KIF11: variants seen among roughly 807,000 people sequenced by gnomAD.
KIF11 encodes kinesin family member 11.
A neutral mutation model predicts 121.0 loss-of-function variants in KIF11; 9 were observed. That is an observed-to-expected ratio of 0.07 (90% CI 0.04 to 0.13). The LOEUF (loss-of-function observed/expected upper bound fraction) is 0.13. Ranked by LOEUF, KIF11 falls within the 10% of genes least tolerant of loss-of-function variation. The probability of loss-of-function intolerance (pLI) is 1.00; values close to 1 mark genes in which losing one functional copy is unlikely to be tolerated. For missense variants in KIF11, 846 were observed against 1,217.5 expected, an observed-to-expected ratio of 0.69 and a Z score of 4.54; for synonymous variants, 408 against 421.0, an observed-to-expected ratio of 0.97 and a Z score of 0.38.
intron 1 of KIF11, among the ~76,000 whole-genome samples, chr10:92,600,091 C>T (rs1298604157): frequency 2.0e-5 from 3 of 149,434 alleles, no homozygotes; most frequent in Non-Finnish European, 3.0e-5. Context: ...CTGCAACCTC[C>T]GCCTCCCGGG....
intron 18 of KIF11, among the ~76,000 whole-genome samples, chr10:92,646,483 T>G (rs1038111665): frequency 3.3e-5 from 5 of 152,196 alleles, no homozygotes; most frequent in Non-Finnish European, 7.3e-5. Flanking sequence ...CTATATAAGC[T>G]GTTTTCACTA....
chr10:92,608,784 C>G (rs559290116), intron 4 of KIF11, among the ~76,000 whole-genome samples: 1 of 152,242 alleles, frequency 6.6e-6, no homozygotes, highest in East Asian at 1.9e-4. Context: ...CTATGTAATG[C>G]TCAGGGATGA....
intron 18 of KIF11, among the ~76,000 whole-genome samples, chr10:92,647,887 T>C (rs1041605619): frequency 2.0e-5 from 3 of 152,098 alleles, no homozygotes; most frequent in Non-Finnish European, 2.9e-5. Flanking sequence ...GGTGGGCAGA[T>C]TGCTTGAGCC....
intron 1 of KIF11, among the ~76,000 whole-genome samples, chr10:92,597,777 G>C (rs1028567381): frequency 6.6e-6 from 1 of 151,334 alleles, no homozygotes; most frequent in Non-Finnish European, 1.5e-5. Context: ...TCAGCCTCTA[G>C]AGTAGCTGGG....
chr10:92,608,661 TCTC>T (rs1844457869), intron 4 of KIF11, among the ~76,000 whole-genome samples: 1 of 152,106 alleles, frequency 6.6e-6, no homozygotes, highest in African/African-American at 2.4e-5. Flanking sequence ...ATGGTCTTGA[TCTC>T]CTGACCTTGT....
Position 92,650,496 on chromosome 10 carries a change from T to C in KIF11, c.3018T>C (p.Ile1006=). The change falls in exon 21 of 22, where the codon ATT becomes ATC. Residue 1006 remains isoleucine (I), a synonymous_variant. Coordinates refer to ENST00000260731, the MANE Select transcript of KIF11 (RefSeq NM_004523.4). The stretch of plus-strand genomic sequence containing the variant: ...ATGCTGGTGTGGATTGTTCATCAAT[T>C]GGCGGGGTTCCATTTTTCCAGGTAT... The part of the protein sequence containing the change: ...SVDAGVDCSS[I]GGVPFFQHKK... 1 of 1,610,590 alleles carries C rather than the reference T, an allele frequency of 6.2e-7. No homozygotes were observed. Among genetic ancestry groups the C allele is most frequent in the Non-Finnish European group, 8.5e-7 (1 of 1,176,782 alleles).
chr10:92,613,311 G>A lies in KIF11; in HGVS notation c.790-66G>A, dbSNP rs913320871. The A allele has an allele frequency of 2.5e-6, 3 of 1,213,318 alleles. No homozygotes were observed. In the African/African-American group the frequency reaches 4.6e-5, roughly 19 times the overall value. The allele number at this position is 1,213,318 out of a possible 1,614,324, so 75.2% of individuals were successfully genotyped here. The stretch of plus-strand genomic sequence containing the variant: ...CGATTTAATACATTATGTATCCTGT[G>A]AGAATGAAAGTCTTTGAATCCAAAT... On this transcript the variant is annotated intron_variant, in intron 7 of 21. Transcript: ENST00000260731. This position sits in a 1 kb window ranked among gnomAD's most constrained non-coding sequence, Gnocchi z 4.2.
chr10:92,649,120 C>CTT (rs11285704), intron 19 of KIF11, among the ~76,000 whole-genome samples: 5 of 144,702 alleles, frequency 3.5e-5, no homozygotes, highest in African/African-American at 1.2e-4. Flanking sequence ...TCACAAAACT[C>CTT]TTTTTTTTTT....
At chr10:92,638,087 T>A (rs1844825934) in intron 16 of KIF11, among the ~76,000 whole-genome samples, 2 of 152,330 alleles carry the variant, frequency 1.3e-5, no homozygotes, top group South Asian at 4.1e-4. Flanking sequence ...AAACCAAGCC[T>A]TCAAACCATA....
At chr10:92,596,291 C>T (rs867410899) in intron 1 of KIF11, among the ~76,000 whole-genome samples, 5 of 152,242 alleles carry the variant, frequency 3.3e-5, no homozygotes, top group Non-Finnish European at 7.3e-5. Flanking sequence ...GCGTGAGCTA[C>T]GGAGCCCGGC....
At chr10:92,635,412 C>T (rs1382740353) in intron 14 of KIF11, among the ~76,000 whole-genome samples, 1 of 152,134 alleles carries the variant, frequency 6.6e-6, no homozygotes, top group Non-Finnish European at 1.5e-5. Flanking sequence ...TAAAGCAAGT[C>T]ATGAATTTTT....
rs569006242 is a variant in KIF11 at position 92,619,958 on chromosome 10, G to A, written c.1129-1427G>A. Reference sequence around the variant, plus strand: ...GTTCTTTGTATTTTCTTTGTAAATCGGTAGCTGAATCTTGAGGCTTGATTA... The same window carrying A: ...GTTCTTTGTATTTTCTTTGTAAATCAGTAGCTGAATCTTGAGGCTTGATTA... On this transcript the variant is annotated intron_variant, in intron 9 of 21. Transcript: ENST00000260731. 2.6e-5 allele frequency among the ~76,000 whole-genome samples: 4 copies of A among 151,406 alleles called. No individual in the cohort carries two copies. The South Asian group carries it at 8.3e-4, about 32-fold the overall frequency.
chr10:92,597,381 A>C (rs1436505187), intron 1 of KIF11: 1 of 156,834 alleles, frequency 6.4e-6, no homozygotes, highest in Non-Finnish European at 1.4e-5. Context: ...CTTATGCTTC[A>C]GCCTCCCAAG....
intron 9 of KIF11, among the ~76,000 whole-genome samples, chr10:92,617,244 C>T (rs1844566576): frequency 6.6e-6 from 1 of 152,184 alleles, no homozygotes; most frequent in South Asian, 2.1e-4. Flanking sequence ...TGCTCCTTTA[C>T]AATCATGTGG....
chr10:92,644,911 A>G (rs1049885626), intron 17 of KIF11, among the ~76,000 whole-genome samples: 1 of 152,186 alleles, frequency 6.6e-6, no homozygotes, highest in Non-Finnish European at 1.5e-5. Flanking sequence ...TAATTATTAG[A>G]AAGCTTTATA....
chr10:92,632,218 T>C (rs1189968459), intron 12 of KIF11, among the ~76,000 whole-genome samples: 1 of 151,376 alleles, frequency 6.6e-6, no homozygotes, highest in Admixed American at 6.6e-5. Context: ...CCGGCTGGAG[T>C]GGCAGTGGCA....
intron 14 of KIF11, 88 bp from the exon 15 acceptor site, chr10:92,637,096 T>A: frequency 7.8e-6 from 7 of 893,498 alleles, no homozygotes; most frequent in South Asian, 1.8e-5. Flanking sequence ...AATGTTTAGC[T>A]ACCAAAGTAT....
At chr10:92,651,399 G>A (rs1437417680) in intron 21 of KIF11, among the ~76,000 whole-genome samples, 1 of 142,774 alleles carries the variant, frequency 7.0e-6, no homozygotes, top group Admixed American at 7.1e-5. Context: ...GCAATGGCAC[G>A]ATCTTGGCTC....
In KIF11 at chr10:92,651,507, G is replaced by GTA. The variant is rs1554863366; in HGVS notation, c.3039+991_3039+992insAT. Among the ~76,000 whole-genome samples, 187 of 52,964 alleles carry GTA rather than the reference G, an allele frequency of 3.5e-3. 28 individuals carry two copies. Among genetic ancestry groups the GTA allele is most frequent in the East Asian group, 0.01 (11 of 1,084 alleles). 34.7% of individuals were successfully genotyped at this position (52,964 alleles called of 152,430 possible). The stretch of plus-strand genomic sequence containing the variant: ...TGTGCCACCATGCCTGGCTAATTTT[G>GTA]TTTTTTTTTTTTTTTTTTTTTTTTT... On this transcript the variant is annotated intron_variant, in intron 21 of 21. Coordinates refer to ENST00000260731, the MANE Select transcript of KIF11 (RefSeq NM_004523.4).
Sources: gnomAD v4.1 joint callset for allele counts (sites outside exome capture counted in the v4.1 genomes callset) on GRCh38, gnomAD v4.1.1 for gene constraint, Gnocchi (gnomAD v3.1) non-coding constraint, MANE v1.5 for transcripts, NCBI Gene and HGNC (gene_info 2026-07-23, HGNC 2026-07-21) for gene names.